Variants in PLXDC2 observed in about 807,000 individuals in gnomAD.
PLXDC2 encodes plexin domain containing 2.
Under a neutral mutation model 68.9 loss-of-function variants are expected in PLXDC2, and 40 were observed. The ratio of observed to expected loss-of-function variants is 0.58; its 90% confidence interval spans 0.45 to 0.76. The LOEUF is 0.76. PLXDC2 is among the 30% of genes least tolerant of loss of function. The pLI is 0.00. For missense variants in PLXDC2, 644 were observed against 661.9 expected (o/e 0.97, Z 0.30); for synonymous variants, 243 against 234.2 (o/e 1.04, Z -0.34).
At chr10:19,948,759 T>C (rs977154814) in intron 1 of PLXDC2, among the ~76,000 whole-genome samples, 1 of 152,062 alleles carries the variant, frequency 6.6e-6, no homozygotes, top group Non-Finnish European at 1.5e-5. Context: ...ACTTTAAAAA[T>C]TGTAGTTACT....
At chr10:19,978,697 A>G (rs1244867020) in intron 1 of PLXDC2, among the ~76,000 whole-genome samples, 1 of 152,188 alleles carries the variant, frequency 6.6e-6, no homozygotes, top group African/African-American at 2.4e-5. Flanking sequence ...TGGCATTTGA[A>G]TTGGATTTTA....
At chr10:19,939,963 A>G (rs1833790528) in intron 1 of PLXDC2, among the ~76,000 whole-genome samples, 1 of 151,904 alleles carries the variant, frequency 6.6e-6, no homozygotes, top group African/African-American at 2.4e-5. Context: ...AAGGGAACGA[A>G]TTCCATTGGT....
At chr10:20,141,435 T>G (rs2131788742) in intron 4 of PLXDC2, among the ~76,000 whole-genome samples, 1 of 152,232 alleles carries the variant, frequency 6.6e-6, no homozygotes, top group African/African-American at 2.4e-5. Flanking sequence ...TTATCTTCCT[T>G]CCTTGAATAA....
intron 1 of PLXDC2, among the ~76,000 whole-genome samples, chr10:19,837,146 G>T (rs1836808850): frequency 6.6e-6 from 1 of 151,338 alleles, no homozygotes; most frequent in Non-Finnish European, 1.5e-5. Flanking sequence ...ATTGTTTGAG[G>T]ACTAAAAGGG....
chr10:20,232,504 C>A (rs1835378256), intron 12 of PLXDC2, among the ~76,000 whole-genome samples: 1 of 151,918 alleles, frequency 6.6e-6, no homozygotes, highest in African/African-American at 2.4e-5. Flanking sequence ...GAAGAATAAA[C>A]AAATTGAGTG....
intron 2 of PLXDC2, among the ~76,000 whole-genome samples, chr10:20,005,650 G>C (rs936885002): frequency 6.6e-6 from 1 of 152,042 alleles, no homozygotes; most frequent in Non-Finnish European, 1.5e-5. Context: ...CGTGTCACAT[G>C]ATGAGAGCAG....
intron 1 of PLXDC2, among the ~76,000 whole-genome samples, chr10:19,832,760 T>C (rs1004156204): frequency 6.6e-6 from 1 of 152,140 alleles, no homozygotes; most frequent in African/African-American, 2.4e-5. Flanking sequence ...CCAATACTTG[T>C]GGTTGCACAA....
chr10:19,965,718 T>TTGGG (rs758553628), intron 1 of PLXDC2, among the ~76,000 whole-genome samples: 24 of 135,498 alleles, frequency 1.8e-4, no homozygotes, highest in African/African-American at 6.2e-4. Context: ...CAGTTTTTTT[T>TTGGG]GGGGGGGGGG....
rs138893423 is a variant in PLXDC2, at chr10:19,984,894, T to C, written c.113-16881T>C. Among the ~76,000 whole-genome samples, 6 of 152,312 alleles carry C rather than the reference T, an allele frequency of 3.9e-5. No individual in the cohort carries two copies. In the East Asian group the frequency reaches 1.2e-3, roughly 29 times the overall value. On this transcript the variant is annotated intron_variant, in intron 1 of 13. Transcript: ENST00000377252. ...TTTATTATCAATGATAGGAAGAATG[T>C]AGAGATTTTATTGATGTTCAACGTG...
intron 1 of PLXDC2, among the ~76,000 whole-genome samples, chr10:19,873,919 A>G (rs748345938): frequency 6.6e-6 from 1 of 152,144 alleles, no homozygotes; most frequent in African/African-American, 2.4e-5. Flanking sequence ...AGGACTTACC[A>G]TAAATGATTT....
chr10:20,032,256 G>C (rs1835511816), intron 2 of PLXDC2, among the ~76,000 whole-genome samples: 1 of 152,200 alleles, frequency 6.6e-6, no homozygotes, highest in African/African-American at 2.4e-5. Flanking sequence ...AACAGCAGGT[G>C]CAATGTATGA....
intron 2 of PLXDC2, 89 bp downstream of exon 2, chr10:20,002,075 C>T: frequency 1.6e-6 from 2 of 1,288,236 alleles, no homozygotes; most frequent in Admixed American, 2.6e-5. Flanking sequence ...GTTGTCTCTT[C>T]ATCTCAATCT....
At chr10:20,063,468 G>A (rs948446499) in intron 3 of PLXDC2, among the ~76,000 whole-genome samples, 20 of 152,060 alleles carry the variant, frequency 1.3e-4, no homozygotes, top group African/African-American at 4.8e-4. Flanking sequence ...TTATTAGAAG[G>A]CTTCTGTATT....
chr10:19,883,604 T>C (rs191574494), intron 1 of PLXDC2, among the ~76,000 whole-genome samples: 267 of 152,220 alleles, frequency 1.8e-3, no homozygotes, highest in South Asian at 2.9e-3. Context: ...CCCTTTTCTT[T>C]TCTAGAATGT....
chr10:19,840,145 G>A (rs990287662), intron 1 of PLXDC2, among the ~76,000 whole-genome samples: 2 of 152,076 alleles, frequency 1.3e-5, no homozygotes, highest in Non-Finnish European at 2.9e-5. Flanking sequence ...CCAGTGGTCA[G>A]CAATGTGTTT....
At chr10:19,921,329 C>A (rs910070064) in intron 1 of PLXDC2, among the ~76,000 whole-genome samples, 4 of 152,102 alleles carry the variant, frequency 2.6e-5, no homozygotes, top group African/African-American at 9.7e-5. Context: ...CAATAAGAGA[C>A]AATTAATCAA....
chr10:20,269,986 A>G (rs1835915046), intron 13 of PLXDC2, among the ~76,000 whole-genome samples: 1 of 151,934 alleles, frequency 6.6e-6, no homozygotes, highest in African/African-American at 2.4e-5. Flanking sequence ...CCACTGCACT[A>G]CATCCTAGGC....
At chr10:20,255,283 T>C (rs558575156) in intron 13 of PLXDC2, among the ~76,000 whole-genome samples, 6 of 152,094 alleles carry the variant, frequency 3.9e-5, no homozygotes, top group Admixed American at 3.9e-4. Flanking sequence ...GATAAATAAA[T>C]GAAAATCTGC....
intron 4 of PLXDC2, among the ~76,000 whole-genome samples, chr10:20,069,868 C>T (rs977098345): frequency 1.7e-4 from 26 of 152,006 alleles, no homozygotes; most frequent in Admixed American, 6.6e-5. Flanking sequence ...AAAGAAAATA[C>T]AAATGATAAG....
Sources: gnomAD v4.1 joint callset for allele counts (sites outside exome capture counted in the v4.1 genomes callset) on GRCh38, gnomAD v4.1.1 for gene constraint, MANE v1.5 for transcripts, NCBI Gene and HGNC (gene_info 2026-07-23, HGNC 2026-07-21) for gene names.